Variants in HDAC9 observed in about 807,000 individuals in gnomAD.
The protein encoded by HDAC9 is histone deacetylase 9, also known as MEF-2 interacting transcription repressor (MITR) protein.
A neutral mutation model predicts 139.4 loss-of-function variants in HDAC9; 41 were observed. The ratio of observed to expected loss-of-function variants is 0.29; its 90% CI spans 0.23 to 0.38. The LOEUF (loss-of-function observed/expected upper bound fraction) is 0.38, where lower values mean the gene tolerates loss of function less well. HDAC9 is among the 10% of genes least tolerant of loss of function. The pLI is 1.00. For missense variants in HDAC9, 1,147 were observed against 1,297.0 expected, an observed-to-expected ratio of 0.88 and a Z score of 1.78; for synonymous variants, 517 against 476.2, an observed-to-expected ratio of 1.09 and a Z score of -1.12.
intron 1 of HDAC9, among the ~76,000 whole-genome samples, chr7:18,394,133 T>TAATGTCCACTTAGCATTTCTAC (rs1786802092): frequency 6.6e-6 from 1 of 152,126 alleles, no homozygotes; most frequent in Admixed American, 6.5e-5. Context: ...AGTCTTTAAA[T>TAATGTCCACTTAGCATTTCTAC]AATGTCCACT....
At chr7:18,232,334 G>A (rs1045207287) in intron 2 of HDAC9, among the ~76,000 whole-genome samples, 1 of 152,040 alleles carries the variant, frequency 6.6e-6, no homozygotes, top group Admixed American at 6.6e-5. Context: ...TTTTATGATA[G>A]TCTGTTTCTT....
intron 12 of HDAC9, among the ~76,000 whole-genome samples, chr7:18,673,838 A>C (rs812395): frequency 0.15 from 23,163 of 151,992 alleles, 4,812 homozygotes; most frequent in African/African-American, 0.47. Context: ...TAGCAGAGAT[A>C]TGAGGCATCT....
intron 2 of HDAC9, among the ~76,000 whole-genome samples, chr7:18,510,362 A>G (rs1801119001): frequency 1.3e-5 from 2 of 152,200 alleles, no homozygotes; most frequent in South Asian, 4.1e-4. Context: ...CTGAATATAA[A>G]TGCATACTTT....
intron 13 of HDAC9, among the ~76,000 whole-genome samples, chr7:18,737,513 G>C (rs1057128059): frequency 6.6e-6 from 1 of 152,116 alleles, no homozygotes; most frequent in Non-Finnish European, 1.5e-5. Flanking sequence ...TTCAGGAGCA[G>C]GTTGTTCAGT....
intron 1 of HDAC9, among the ~76,000 whole-genome samples, chr7:18,139,677 A>C (rs544706224): frequency 2.0e-5 from 3 of 152,266 alleles, no homozygotes; most frequent in African/African-American, 7.2e-5. Flanking sequence ...ATATGGCCAA[A>C]AAGGATTTTG....
chr7:18,581,259 G>A (rs1827740885), intron 2 of HDAC9, among the ~76,000 whole-genome samples: 1 of 152,068 alleles, frequency 6.6e-6, no homozygotes, highest in South Asian at 2.1e-4. Context: ...TGAATAAATT[G>A]GATGAAAGAC....
intron 12 of HDAC9, among the ~76,000 whole-genome samples, chr7:18,679,999 C>G (rs1781785554): frequency 6.6e-6 from 1 of 151,868 alleles, no homozygotes; most frequent in African/African-American, 2.4e-5. Flanking sequence ...TTCCTGGTTT[C>G]TTTATCCAGG....
At chr7:18,511,380 A>G (rs1198760571) in intron 2 of HDAC9, among the ~76,000 whole-genome samples, 1 of 152,150 alleles carries the variant, frequency 6.6e-6, no homozygotes, top group African/African-American at 2.4e-5. Flanking sequence ...AAATCTGAAT[A>G]TAGTTATAAC....
intron 22 of HDAC9, among the ~76,000 whole-genome samples, chr7:18,933,962 A>G (rs1327290709): frequency 2.0e-5 from 3 of 152,096 alleles, no homozygotes; most frequent in Admixed American, 2.0e-4. Flanking sequence ...ATTCAAAAAT[A>G]TACGTAATGC....
rs141889479 is a variant in HDAC9 at position 18,366,180 on chromosome 7, A to T, written c.-42+75665A>T. ...TATTATATAGAGATAAGGTGGAGGGAAACTGATCATGGGTGATGATAACTG... is the reference window on the plus strand; with the variant it reads ...TATTATATAGAGATAAGGTGGAGGGTAACTGATCATGGGTGATGATAACTG... On this transcript the variant is annotated intron_variant, in intron 1 of 3. Transcript: ENST00000413509. Among the ~76,000 whole-genome samples the T allele has an allele frequency of 9.3e-3, 1,418 of 152,208 alleles. 15 individuals carry two copies. The highest frequency in any genetic ancestry group is 0.061 in the Middle Eastern group (18 of 294).
chr7:18,901,692 T>G (rs1801739782), intron 22 of HDAC9, among the ~76,000 whole-genome samples: 1 of 152,200 alleles, frequency 6.6e-6, no homozygotes, highest in Non-Finnish European at 1.5e-5. Context: ...TCAACCCACT[T>G]GGTTCGTTTT....
At chr7:18,226,164 G>A (rs1010975615) in intron 2 of HDAC9, among the ~76,000 whole-genome samples, 2 of 152,136 alleles carry the variant, frequency 1.3e-5, no homozygotes, top group African/African-American at 2.4e-5. Context: ...TGAATGTTTT[G>A]TGGAATTGTT....
At chr7:18,760,545 A>T (rs1789292585) in intron 14 of HDAC9, among the ~76,000 whole-genome samples, 1 of 152,190 alleles carries the variant, frequency 6.6e-6, no homozygotes, top group African/African-American at 2.4e-5. Flanking sequence ...AATTTCTCTA[A>T]ATCATACTTT....
intron 25 of HDAC9, among the ~76,000 whole-genome samples, chr7:18,984,697 A>G (rs1424931684): frequency 6.6e-6 from 1 of 152,206 alleles, no homozygotes; most frequent in East Asian, 1.9e-4. Flanking sequence ...GTCCAAATTA[A>G]TAGTCTGGAT....
intron 22 of HDAC9, among the ~76,000 whole-genome samples, chr7:18,932,839 G>GAAAGAAA (rs1804874566): frequency 5.5e-5 from 2 of 36,590 alleles, no homozygotes; most frequent in African/African-American, 9.2e-5. Flanking sequence ...AAGGAAGGAA[G>GAAAGAAA]GAAGGAAAAA....
rs1585537687 is a variant in HDAC9, at chr7:19,001,414, T to C, written c.*5352T>C. ...GGAGAGTTCACTGTTTCCTGGGACA[T>C]TGTGGTCATGTCCTTAATCCTTCAT... On this transcript the variant is annotated 3_prime_UTR_variant, in exon 26 of 26. Transcript: ENST00000686413. 2.0e-5 allele frequency: 3 copies of C among 152,040 alleles called. No homozygotes were observed. The highest frequency in any genetic ancestry group is 4.4e-5 in the Non-Finnish European group (3 of 67,964). The allele number at this position is 152,040 out of a possible 1,614,324, so 9.4% of individuals were successfully genotyped here.
chr7:18,463,380 G>A (rs549394488), intron 1 of HDAC9, among the ~76,000 whole-genome samples: 1 of 151,856 alleles, frequency 6.6e-6, no homozygotes, highest in South Asian at 2.1e-4. Context: ...GTGGGGCAAG[G>A]GGAGGTTTTA....
chr7:18,888,041 T>C (rs1346046770), intron 22 of HDAC9, among the ~76,000 whole-genome samples: 4 of 152,206 alleles, frequency 2.6e-5, no homozygotes. Flanking sequence ...TCATTTATCT[T>C]ATCCCAAGTC....
intron 2 of HDAC9, among the ~76,000 whole-genome samples, chr7:18,541,396 A>G (rs1263649215): frequency 1.3e-5 from 2 of 152,066 alleles, no homozygotes; most frequent in South Asian, 2.1e-4. Flanking sequence ...ATCACCAACT[A>G]TGCCTTGCCA....
Sources: allele counts gnomAD v4.1 joint callset (sites outside exome capture counted in the v4.1 genomes callset), GRCh38; gene constraint gnomAD v4.1.1; transcripts MANE v1.5; gene names NCBI Gene and HGNC (gene_info 2026-07-23, HGNC 2026-07-21).